Variants in DGKB observed in about 807,000 individuals in gnomAD.
DGKB encodes the protein 90 kDa diacylglycerol kinase.
In DGKB, 67 loss-of-function variants were observed where a neutral mutation model predicts 114.3. The observed-to-expected ratio is 0.59, with a 90% CI of 0.48 to 0.72. The LOEUF is 0.72. Ranked by LOEUF, DGKB falls within the 30% of genes least tolerant of loss-of-function variation. The pLI is 0.00. For synonymous variants in DGKB, 398 were observed against 323.1 expected, an observed-to-expected ratio of 1.23 and a Z score of -2.49; for missense variants, 907 against 975.2, an observed-to-expected ratio of 0.93 and a Z score of 0.93.
At chr7:14,207,377 CA>C (rs1188190971) in intron 23 of DGKB, among the ~76,000 whole-genome samples, 1 of 152,022 alleles carries the variant, frequency 6.6e-6, no homozygotes, top group African/African-American at 2.4e-5. Context: ...AGGGAGATAA[CA>C]GGCAGAAACA....
intron 6 of DGKB, among the ~76,000 whole-genome samples, chr7:14,712,925 T>A (rs1175902878): frequency 6.6e-6 from 1 of 152,034 alleles, no homozygotes; most frequent in Non-Finnish European, 1.5e-5. Context: ...ATCATATTTT[T>A]AAAAACAAAA....
chr7:14,552,033 T>C (rs768942344), intron 20 of DGKB, among the ~76,000 whole-genome samples: 14 of 152,108 alleles, frequency 9.2e-5, no homozygotes, highest in Non-Finnish European at 1.5e-4. Flanking sequence ...GTATCTCTTT[T>C]TGGAGGGCTA....
In DGKB at chr7:14,415,644, C is replaced by T. The variant is rs1339289209; in HGVS notation, c.1835+62517G>A. ...CATAGTATTCCATGGTGTATATGTG[C>T]CACATTTTCTTAATCCAGTCTATCA... On this transcript the variant is annotated intron_variant, in intron 21 of 25. Coordinates refer to ENST00000402815, the MANE Select transcript of DGKB (RefSeq NM_001350709.2). 3.3e-5 allele frequency among the ~76,000 whole-genome samples: 5 copies of T among 152,176 alleles called. No homozygotes were observed. In the South Asian group the frequency reaches 8.3e-4, roughly 25 times the overall value.
At chr7:14,616,894 A>G (rs892545539) in intron 15 of DGKB, among the ~76,000 whole-genome samples, 1 of 151,856 alleles carries the variant, frequency 6.6e-6, no homozygotes, top group Non-Finnish European at 1.5e-5. Context: ...GGTAGTTGAA[A>G]TCTTGAAGAA....
At chr7:14,536,845 AAAC>A (rs1022632757) in intron 20 of DGKB, among the ~76,000 whole-genome samples, 6 of 148,234 alleles carry the variant, frequency 4.0e-5, no homozygotes, top group Admixed American at 3.3e-4. Flanking sequence ...GAAAGGAAAA[AAAC>A]AACAACAAGG....
chr7:14,735,816 T>A (rs10253369), intron 5 of DGKB, among the ~76,000 whole-genome samples: 29 of 152,140 alleles, frequency 1.9e-4, no homozygotes, highest in Admixed American at 1.9e-3. Context: ...TACCTATACA[T>A]AGAATTCTAA....
At chr7:14,335,196 C>T (rs1489247503) in intron 23 of DGKB, among the ~76,000 whole-genome samples, 1 of 152,160 alleles carries the variant, frequency 6.6e-6, no homozygotes, top group Non-Finnish European at 1.5e-5. Flanking sequence ...AGATTATGTA[C>T]AGCTTAATAT....
At chr7:14,334,721 C>T (rs943597716) in intron 23 of DGKB, among the ~76,000 whole-genome samples, 13 of 151,900 alleles carry the variant, frequency 8.6e-5, no homozygotes, top group Non-Finnish European at 1.8e-4. Flanking sequence ...CTTTCATCTG[C>T]AATCAGTCAT....
intron 2 of DGKB, among the ~76,000 whole-genome samples, chr7:14,781,883 T>A (rs1340576649): frequency 2.0e-5 from 3 of 152,164 alleles, no homozygotes; most frequent in Non-Finnish European, 2.9e-5. Context: ...GAAAATGGTA[T>A]TTTCTTTCCT....
chr7:14,859,463 G>T (rs1483660214), intron 1 of DGKB, among the ~76,000 whole-genome samples: 2 of 152,092 alleles, frequency 1.3e-5, no homozygotes, highest in Non-Finnish European at 2.9e-5. Context: ...GACTTCAAAA[G>T]GTGAAGCAGA....
intron 23 of DGKB, among the ~76,000 whole-genome samples, chr7:14,220,297 C>T (rs145767674): frequency 9.9e-5 from 15 of 151,558 alleles, no homozygotes; most frequent in East Asian, 9.7e-4. Flanking sequence ...ATGTGGGGAA[C>T]GACTGTATAG....
intron 21 of DGKB, among the ~76,000 whole-genome samples, chr7:14,432,162 T>C (rs1194833192): frequency 6.6e-6 from 1 of 152,192 alleles, no homozygotes; most frequent in East Asian, 1.9e-4. Flanking sequence ...CAAACAATTA[T>C]TGGTTTCTCA....
intron 20 of DGKB, among the ~76,000 whole-genome samples, chr7:14,540,939 T>C (rs1793324508): frequency 6.6e-6 from 1 of 152,184 alleles, no homozygotes; most frequent in South Asian, 2.1e-4. Flanking sequence ...AGGATATCTA[T>C]GAAAATGGTA....
chr7:14,311,063 G>C (rs982897932), intron 23 of DGKB, among the ~76,000 whole-genome samples: 7 of 152,154 alleles, frequency 4.6e-5, no homozygotes, highest in Non-Finnish European at 8.8e-5. Flanking sequence ...AGGAGGTTGA[G>C]GCTACAATGA....
At chr7:14,315,460 A>T (rs1225183197) in intron 23 of DGKB, among the ~76,000 whole-genome samples, 1 of 151,522 alleles carries the variant, frequency 6.6e-6, no homozygotes, top group Non-Finnish European at 1.5e-5. Flanking sequence ...AATGGAAAAC[A>T]AAAAAAGGCA....
At chr7:14,437,390 C>T (rs1829432663) in intron 21 of DGKB, among the ~76,000 whole-genome samples, 1 of 152,052 alleles carries the variant, frequency 6.6e-6, no homozygotes, top group Non-Finnish European at 1.5e-5. Context: ...TAGTTTTCTA[C>T]ACACTTACCA....
chr7:14,846,476 GCACAGCTATATCT>G (rs1329060621), intron 1 of DGKB, among the ~76,000 whole-genome samples: 1 of 152,172 alleles, frequency 6.6e-6, no homozygotes, highest in Non-Finnish European at 1.5e-5. Context: ...AAATACAGAG[GCACAGCTATATCT>G]CATGCCTCAG....
intron 20 of DGKB, among the ~76,000 whole-genome samples, chr7:14,563,511 A>T (rs890004372): frequency 1.3e-5 from 2 of 151,802 alleles, no homozygotes; most frequent in African/African-American, 4.8e-5. Flanking sequence ...CATGATTTCT[A>T]TTTGGTACCT....
chr7:14,644,501 T>A (rs1812509310), intron 13 of DGKB, among the ~76,000 whole-genome samples: 3 of 152,146 alleles, frequency 2.0e-5, no homozygotes, highest in African/African-American at 7.2e-5. Flanking sequence ...ATGATCTGAA[T>A]GAGAAATTCA....
Sources: allele counts gnomAD v4.1 joint callset (sites outside exome capture counted in the v4.1 genomes callset), GRCh38; gene constraint gnomAD v4.1.1; transcripts MANE v1.5; gene names NCBI Gene and HGNC (gene_info 2026-07-23, HGNC 2026-07-21).